WDPCP: variants seen among roughly 807,000 people sequenced by gnomAD.
The protein encoded by WDPCP is WD repeat-containing and planar cell polarity effector protein fritz homolog.
In WDPCP, 71 loss-of-function variants were observed where a neutral mutation model predicts 93.1. The ratio of observed to expected loss-of-function variants is 0.76; its 90% confidence interval spans 0.63 to 0.93. The LOEUF is 0.93. Among genes scored for constraint, WDPCP ranks in the 40% least tolerant of loss-of-function variants. The probability of loss-of-function intolerance (pLI) is 0.00; values close to 1 mark genes in which losing one functional copy is unlikely to be tolerated. For synonymous variants in WDPCP, 315 were observed against 315.0 expected, an observed-to-expected ratio of 1.00 and a Z score of 0.00; for missense variants, 844 against 887.4, an observed-to-expected ratio of 0.95 and a Z score of 0.62.
At position 63,404,150 on chromosome 2, in the gene WDPCP, C is replaced by A. The variant is rs61734466; in HGVS notation, c.1333G>T (p.Ala445Ser). ...SSSLVQMQWIAPQVVSQKGEG... is the reference protein window; with the variant it reads ...SSSLVQMQWISPQVVSQKGEG... ...CCCTTCTGAGAAACAACCTGAGGAG[C>A]TATCCATTGCATTTGAACAAGACTG... The change falls in exon 10 of 18, where the codon GCT becomes TCT. Residue 445 changes from alanine to serine, a missense_variant. Physicochemically the swap from Ala to Ser is moderately conservative, Grantham distance 99. Transcript: ENST00000272321. 2 of 1,614,108 alleles carry A rather than the reference C, an allele frequency of 1.2e-6. No homozygotes were observed. Among genetic ancestry groups the A allele is most frequent in the Non-Finnish European group, 1.7e-6 (2 of 1,180,000 alleles).
chr2:63,631,009 G>A (rs930593536), intron 3 of WDPCP, among the ~76,000 whole-genome samples: 1 of 152,124 alleles, frequency 6.6e-6, no homozygotes. Flanking sequence ...ATCAAAAATT[G>A]TGGGCTCACA....
intron 13 of WDPCP, among the ~76,000 whole-genome samples, chr2:63,279,073 A>G (rs536846300): frequency 1.3e-5 from 2 of 152,328 alleles, no homozygotes; most frequent in South Asian, 4.2e-4. Flanking sequence ...AATTGGTACC[A>G]ATCCTACTGA....
intron 13 of WDPCP, among the ~76,000 whole-genome samples, chr2:63,306,524 T>G (rs1685757925): frequency 1.3e-5 from 2 of 152,100 alleles, no homozygotes; most frequent in African/African-American, 4.8e-5. Context: ...TGGCAGCATA[T>G]CAAAAAGCTT....
intron 2 of WDPCP, among the ~76,000 whole-genome samples, chr2:63,772,327 C>T (rs1229483934): frequency 6.6e-6 from 1 of 151,978 alleles, no homozygotes; most frequent in Non-Finnish European, 1.5e-5. Flanking sequence ...GCTTGTATGT[C>T]TTCTTTTGAG....
chr2:63,500,672 C>G (rs1701495273), intron 1 of WDPCP, among the ~76,000 whole-genome samples: 1 of 152,110 alleles, frequency 6.6e-6, no homozygotes. Context: ...CTATGACAAA[C>G]TTACTCCAAA....
chr2:63,344,042 AT>A (rs558582615), intron 12 of WDPCP, among the ~76,000 whole-genome samples: 2 of 148,916 alleles, frequency 1.3e-5, no homozygotes, highest in East Asian at 2.0e-4. Flanking sequence ...GATACGTTCT[AT>A]TTTTTTTTCT....
At chr2:63,158,694 A>G (rs1672431765) in intron 15 of WDPCP, among the ~76,000 whole-genome samples, 1 of 152,038 alleles carries the variant, frequency 6.6e-6, no homozygotes. Context: ...ACCTTTTGGC[A>G]TTGCCTCACA....
intron 3 of WDPCP, chr2:63,599,966 G>C (rs1235428990): frequency 6.6e-6 from 1 of 152,224 alleles, no homozygotes; most frequent in Admixed American, 6.6e-5. Context: ...AGATCTAACT[G>C]GTCCTGGTGC....
chr2:63,234,085 T>C (rs1376632434), intron 14 of WDPCP, among the ~76,000 whole-genome samples: 1 of 152,202 alleles, frequency 6.6e-6, no homozygotes, highest in Non-Finnish European at 1.5e-5. Flanking sequence ...TAAAATGAGA[T>C]AATGTATGAA....
At chr2:63,453,114 GCT>G (rs1311566284) in intron 6 of WDPCP, among the ~76,000 whole-genome samples, 2 of 152,160 alleles carry the variant, frequency 1.3e-5, no homozygotes, top group African/African-American at 4.8e-5. Context: ...AAACTAAAGA[GCT>G]TCTGCACAGC....
intron 17 of WDPCP, among the ~76,000 whole-genome samples, chr2:63,125,447 T>C (rs1669828736): frequency 6.6e-6 from 1 of 152,128 alleles, no homozygotes; most frequent in Non-Finnish European, 1.5e-5. Flanking sequence ...CTCTAAGACA[T>C]GTTTAGTTTG....
intron 14 of WDPCP, among the ~76,000 whole-genome samples, chr2:63,258,149 T>C (rs1330162537): frequency 6.6e-6 from 1 of 152,202 alleles, no homozygotes; most frequent in Non-Finnish European, 1.5e-5. Flanking sequence ...TTATTAGTAG[T>C]AGTACACACA....
intron 2 of WDPCP, among the ~76,000 whole-genome samples, chr2:63,805,585 T>C (rs985692971): frequency 6.6e-6 from 1 of 151,962 alleles, no homozygotes; most frequent in Admixed American, 6.5e-5. Context: ...ACCAACCAGG[T>C]GGAATAAGAG....
chr2:63,531,808 C>T (rs890986615), intron 1 of WDPCP, among the ~76,000 whole-genome samples: 1 of 152,158 alleles, frequency 6.6e-6, no homozygotes, highest in Non-Finnish European at 1.5e-5. Context: ...TCCTCTCCTC[C>T]AAAGGATCGC....
chr2:63,400,626 A>C (rs1694078069), intron 10 of WDPCP, among the ~76,000 whole-genome samples: 1 of 152,198 alleles, frequency 6.6e-6, no homozygotes, highest in South Asian at 2.1e-4. Context: ...TTCTTCACAG[A>C]CTTAGAAAAA....
At chr2:63,490,072 A>G (rs913723739) in intron 2 of WDPCP, among the ~76,000 whole-genome samples, 1 of 151,334 alleles carries the variant, frequency 6.6e-6, no homozygotes, top group Non-Finnish European at 1.5e-5. Context: ...AACTCACCTA[A>G]TATCTTCAAA....
chr2:63,589,318 G>T (rs1279328271), upstream of WDPCP: 4 of 1,550,684 alleles, frequency 2.6e-6, no homozygotes, highest in South Asian at 4.8e-5. Flanking sequence ...CTGCATGACG[G>T]GAGGACAAAA....
At chr2:63,284,056 T>C (rs1202826815) in intron 13 of WDPCP, among the ~76,000 whole-genome samples, 3 of 151,976 alleles carry the variant, frequency 2.0e-5, no homozygotes, top group African/African-American at 7.2e-5. Flanking sequence ...ACCAAAATGG[T>C]AAATACATGG....
At chr2:63,165,617 T>G (rs1672906967) in intron 15 of WDPCP, among the ~76,000 whole-genome samples, 1 of 151,586 alleles carries the variant, frequency 6.6e-6, no homozygotes, top group Non-Finnish European at 1.5e-5. Context: ...TCTTGTCTAT[T>G]TCTTTTATGA....
Sources: allele counts gnomAD v4.1 joint callset (sites outside exome capture counted in the v4.1 genomes callset), GRCh38; gene constraint gnomAD v4.1.1; transcripts MANE v1.5; gene names NCBI Gene and HGNC (gene_info 2026-07-23, HGNC 2026-07-21).